The following CERK variants were observed in gnomAD, a reference collection of about 807,000 sequenced individuals.
CERK encodes acylsphingosine kinase.
In CERK, 39 loss-of-function variants were observed where a neutral mutation model predicts 63.4. The observed-to-expected ratio is 0.61, with a 90% CI of 0.48 to 0.80. The LOEUF (loss-of-function observed/expected upper bound fraction) is 0.80. CERK is among the 30% of genes least tolerant of loss of function. The pLI, the probability that CERK is intolerant of heterozygous loss-of-function variation, is 0.00. For missense variants in CERK, 670 were observed against 714.1 expected, an observed-to-expected ratio of 0.94 and a Z score of 0.70; for synonymous variants, 302 against 280.0, an observed-to-expected ratio of 1.08 and a Z score of -0.78.
At chr22:46,722,784 C>T (rs1313437320) in intron 1 of CERK, among the ~76,000 whole-genome samples, 1 of 152,138 alleles carries the variant, frequency 6.6e-6, no homozygotes, top group East Asian at 1.9e-4. Context: ...CAGGCCGTGC[C>T]GTGCCAGGGG....
At position 46,696,242 on chromosome 22, in the gene CERK, C is replaced by T. The variant is rs143936251; in HGVS notation, c.944-927G>A. 6.0e-3 allele frequency among the ~76,000 whole-genome samples: 907 copies of T among 152,318 alleles called. 14 individuals carry two copies. The highest frequency in any genetic ancestry group is 0.014 in the Middle Eastern group (4 of 294). ...CTCCCGACTGTCCCTAGGACAGCCC[C>T]GTCTGTGGGTCTTGCACCTGGCATG... On this transcript the variant is annotated intron_variant, in intron 8 of 12. Coordinates refer to ENST00000216264, the MANE Select transcript of CERK (RefSeq NM_022766.6).
intron 6 of CERK, among the ~76,000 whole-genome samples, chr22:46,704,852 T>C (rs1476049539): frequency 7.3e-6 from 1 of 136,772 alleles, no homozygotes; most frequent in Non-Finnish European, 1.6e-5. Context: ...AAAGTGACAA[T>C]GCCCTCTTGC....
intron 3 of CERK, among the ~76,000 whole-genome samples, chr22:46,717,046 C>A (rs8140008): frequency 0.031 from 4,703 of 152,266 alleles, 247 homozygotes; most frequent in African/African-American, 0.11. Flanking sequence ...AAGGCGATAT[C>A]TGAATGGCCC....
intron 3 of CERK, among the ~76,000 whole-genome samples, chr22:46,712,766 G>C (rs1220101685): frequency 1.3e-5 from 2 of 152,116 alleles, no homozygotes; most frequent in East Asian, 3.8e-4. Context: ...AGAAACCAGT[G>C]ACCTCGTTTC....
intron 1 of CERK, among the ~76,000 whole-genome samples, chr22:46,734,378 G>C (rs990436617): frequency 6.6e-6 from 1 of 151,106 alleles, no homozygotes; most frequent in Non-Finnish European, 1.5e-5. Flanking sequence ...ATTTACATGA[G>C]ATAAAGCAGC....
At chr22:46,701,591 G>A in intron 7 of CERK, 45 bp downstream of exon 7, 1 of 1,508,922 alleles carries the variant, frequency 6.6e-7, no homozygotes, top group Non-Finnish European at 9.0e-7. Flanking sequence ...TGGGGGCGCA[G>A]GAGGCCCGGC....
intron 9 of CERK, 115 bp downstream of exon 9, chr22:46,695,095 C>T (rs1336214336): frequency 1.6e-5 from 10 of 634,970 alleles, no homozygotes; most frequent in South Asian, 7.4e-5. Context: ...TGTCTGGGCA[C>T]GCTACATCCG....
At chr22:46,705,031 G>C (rs1341973443) in intron 6 of CERK, among the ~76,000 whole-genome samples, 1 of 152,246 alleles carries the variant, frequency 6.6e-6, no homozygotes, top group Non-Finnish European at 1.5e-5. Context: ...CAGTCTATCA[G>C]ATGGGATAAA....
intron 1 of CERK, among the ~76,000 whole-genome samples, chr22:46,728,687 C>T (rs2082931672): frequency 6.6e-6 from 1 of 152,248 alleles, no homozygotes; most frequent in South Asian, 2.1e-4. Flanking sequence ...ATACAAGAAA[C>T]AGGCAGTGAA....
intron 4 of CERK, 71 bp from the exon 5 acceptor site, chr22:46,711,220 C>A: frequency 8.4e-7 from 1 of 1,190,462 alleles, no homozygotes; most frequent in South Asian, 1.2e-5. Context: ...GCAAATCATC[C>A]ATTCTTTTAA....
chr22:46,702,219 A>ATG lies in CERK; in HGVS notation c.716-510_716-509insCA, dbSNP rs912934191. Among the ~76,000 whole-genome samples, 10 of 97,208 alleles carry ATG rather than the reference A, an allele frequency of 1.0e-4. 1 individual carries two copies. Among genetic ancestry groups the ATG allele is most frequent in the African/African-American group, 3.8e-4 (8 of 21,264 alleles). The allele number at this position is 97,208 out of a possible 152,430, so 63.8% of individuals were successfully genotyped here. ...AGGAGCCAAAAAGTTAAAAAAATAT[A>ATG]TATATGTGTGTGTGTGTGTGTGTGT... On this transcript the variant is annotated intron_variant, in intron 6 of 12. Transcript: ENST00000216264.
In CERK at chr22:46,718,012, A is replaced by G. The variant is rs8142804; in HGVS notation, c.379+2074T>C. ...AGGAGAATCGCTTGAACCCAGGAGGAGTTTGCAGTAAGCCGAGATTGCACC... is the reference window on the plus strand; with the variant it reads ...AGGAGAATCGCTTGAACCCAGGAGGGGTTTGCAGTAAGCCGAGATTGCACC... On this transcript the variant is annotated intron_variant, in intron 3 of 12. Transcript: ENST00000216264. Among the ~76,000 whole-genome samples the G allele has an allele frequency of 3.4e-3, 521 of 152,246 alleles. 2 individuals carry two copies. The highest frequency in any genetic ancestry group is 0.011 in the African/African-American group (469 of 41,538).
In CERK at chr22:46,737,498, C is replaced by A. The variant is rs371704589; in HGVS notation, c.142+509G>T. Among the ~76,000 whole-genome samples the A allele has an allele frequency of 8.2e-4, 125 of 152,324 alleles. No individual in the cohort carries two copies. The South Asian group carries it at 8.5e-3, about 10-fold the overall frequency. Reference sequence around the variant, plus strand: ...TCCCCCATCCCGAGCAGGGAGCACACCCCACAGAAAGTCAGGGGCCCCTTC... The same window carrying A: ...TCCCCCATCCCGAGCAGGGAGCACAACCCACAGAAAGTCAGGGGCCCCTTC... On this transcript the variant is annotated intron_variant, in intron 1 of 12. Transcript: ENST00000216264.
At chr22:46,702,493 A>G (rs1194089201) in intron 6 of CERK, among the ~76,000 whole-genome samples, 1 of 152,094 alleles carries the variant, frequency 6.6e-6, no homozygotes, top group Non-Finnish European at 1.5e-5. Context: ...GGGTTTCACC[A>G]TGATGGCCAG....
chr22:46,734,407 C>A (rs2082962047), intron 1 of CERK, among the ~76,000 whole-genome samples: 1 of 151,628 alleles, frequency 6.6e-6, no homozygotes. Context: ...AAGACGTGCA[C>A]ATGGCATGAT....
intron 1 of CERK, among the ~76,000 whole-genome samples, chr22:46,734,927 G>A (rs1432187365): frequency 2.0e-5 from 3 of 152,114 alleles, no homozygotes; most frequent in African/African-American, 7.2e-5. Flanking sequence ...GCACTTTGCA[G>A]GGTGTGCTGA....
At position 46,686,026 on chromosome 22, in the gene CERK, T is replaced by C. The variant is rs1191143730; in HGVS notation, c.*1108A>G. On this transcript the variant is annotated 3_prime_UTR_variant, in exon 13 of 13. Transcript: ENST00000216264. ...AAGGACGTAGTACACAATTGAGGGG[T>C]GCCCCGGGGAGCGCGGCAGGAATGC... 1 of 152,106 alleles carries C rather than the reference T, an allele frequency of 6.6e-6. No homozygotes were observed. Among genetic ancestry groups the C allele is most frequent in the Non-Finnish European group, 1.5e-5 (1 of 68,010 alleles). 9.4% of individuals were successfully genotyped at this position (152,106 alleles called of 1,614,324 possible). A position where few individuals can be genotyped will look rare whatever the true frequency, so the allele number is the denominator to read the frequency against.
At chr22:46,693,526 C>T in intron 9 of CERK, 23 bp from the exon 10 acceptor site, 1 of 1,605,120 alleles carries the variant, frequency 6.2e-7, no homozygotes, top group Non-Finnish European at 8.5e-7. Context: ...AATATCATCA[C>T]CTTTTAAATA....
chr22:46,729,623 A>G (rs1190066969), intron 1 of CERK, among the ~76,000 whole-genome samples: 1 of 152,190 alleles, frequency 6.6e-6, no homozygotes, highest in Non-Finnish European at 1.5e-5. Context: ...CCAAATATCC[A>G]GGAAACAACC....
Sources: allele counts gnomAD v4.1 joint callset (sites outside exome capture counted in the v4.1 genomes callset), GRCh38; gene constraint gnomAD v4.1.1; transcripts MANE v1.5; gene names NCBI Gene and HGNC (gene_info 2026-07-23, HGNC 2026-07-21).